Variants in DLG2 observed in about 807,000 individuals in gnomAD.
The protein encoded by DLG2 is discs large MAGUK scaffold protein 2.
DLG2 carries 45 observed loss-of-function variants against 132.5 expected under a neutral mutation model. That is an observed-to-expected ratio of 0.34 (90% CI 0.27 to 0.44). DLG2 has a LOEUF of 0.44. Among genes scored for constraint, DLG2 ranks in the 20% least tolerant of loss-of-function variants. The pLI is 1.00. For missense variants in DLG2, 1,045 were observed against 1,196.9 expected (o/e 0.87, Z 1.87); for synonymous variants, 424 against 419.6 (o/e 1.01, Z -0.13).
chr11:84,712,957 C>T (rs941579899), intron 6 of DLG2, among the ~76,000 whole-genome samples: 4 of 152,054 alleles, frequency 2.6e-5, no homozygotes, highest in Non-Finnish European at 5.9e-5. Flanking sequence ...AAGTCATATT[C>T]TATCCATGTG....
chr11:83,774,493 C>T (rs2094511687), intron 18 of DLG2, among the ~76,000 whole-genome samples: 1 of 152,104 alleles, frequency 6.6e-6, no homozygotes, highest in African/African-American at 2.4e-5. Flanking sequence ...AAGTAATTTT[C>T]CAAGGCTACA....
At chr11:84,516,298 G>GA (rs1379901443) in intron 7 of DLG2, among the ~76,000 whole-genome samples, 1 of 150,870 alleles carries the variant, frequency 6.6e-6, no homozygotes, top group Non-Finnish European at 1.5e-5. Flanking sequence ...GTTGTTTTTT[G>GA]AAAAAAATAT....
intron 16 of DLG2, among the ~76,000 whole-genome samples, chr11:83,855,846 A>AT (rs1595503055): frequency 6.6e-6 from 1 of 151,900 alleles, no homozygotes; most frequent in African/African-American, 2.4e-5. Flanking sequence ...AAAAAAAAAA[A>AT]TTTTCAGGGA....
At chr11:85,584,291 C>T (rs1228456737) in intron 3 of DLG2, among the ~76,000 whole-genome samples, 2 of 151,736 alleles carry the variant, frequency 1.3e-5, no homozygotes, top group Non-Finnish European at 2.9e-5. Context: ...ATCCAGGTTA[C>T]TGTGAATGCC....
intron 8 of DLG2, among the ~76,000 whole-genome samples, chr11:84,194,344 G>A (rs1201841175): frequency 6.6e-6 from 1 of 152,138 alleles, no homozygotes; most frequent in South Asian, 2.1e-4. Context: ...TGTGCCCGGA[G>A]TTTCTTTCTT....
chr11:84,662,501 G>A (rs752877007), intron 6 of DLG2, among the ~76,000 whole-genome samples: 6 of 151,528 alleles, frequency 4.0e-5, no homozygotes, highest in South Asian at 4.2e-4. Flanking sequence ...AAGCAGTCAT[G>A]GCCCAGACAT....
intron 5 of DLG2, among the ~76,000 whole-genome samples, chr11:85,127,236 C>T (rs1238010467): frequency 7.2e-6 from 1 of 138,526 alleles, no homozygotes; most frequent in Non-Finnish European, 1.6e-5. Flanking sequence ...CTCTCTCTCT[C>T]CCCCCGCCCC....
chr11:84,490,880 T>TGG lies in DLG2; in HGVS notation c.519+43688_519+43689dup, dbSNP rs1457288336. Among the ~76,000 whole-genome samples the TGG allele has an allele frequency of 3.5e-5, 5 of 141,760 alleles. No individual in the cohort carries two copies. In the East Asian group the frequency reaches 8.1e-4, roughly 23 times the overall value. 93.0% of individuals were successfully genotyped at this position (141,760 alleles called of 152,430 possible). A position where few individuals can be genotyped will look rare whatever the true frequency, so the allele number is the denominator to read the frequency against. Reference sequence around the variant, plus strand: ...AAAATCCCATTCTAACAGATCTGAATGGTTGCGTGTGTGTGTGTGTGTGTG... The same window carrying TGG: ...AAAATCCCATTCTAACAGATCTGAATGGGGTTGCGTGTGTGTGTGTGTGTGTG... On this transcript the variant is annotated intron_variant, in intron 7 of 27. Coordinates refer to ENST00000376104, the MANE Select transcript of DLG2 (RefSeq NM_001142699.3).
intron 3 of DLG2, among the ~76,000 whole-genome samples, chr11:85,520,571 A>G (rs1365775711): frequency 6.6e-6 from 1 of 151,690 alleles, no homozygotes; most frequent in Non-Finnish European, 1.5e-5. Flanking sequence ...CTTAGTAAAA[A>G]GAACAAAACT....
chr11:85,501,451 G>A (rs1384047970), intron 3 of DLG2, among the ~76,000 whole-genome samples: 1 of 152,166 alleles, frequency 6.6e-6, no homozygotes, highest in Admixed American at 6.5e-5. Context: ...CTTCTGCACA[G>A]CAAAAGAAAC....
intron 18 of DLG2, among the ~76,000 whole-genome samples, chr11:83,705,944 C>T (rs1244835654): frequency 2.0e-5 from 3 of 152,244 alleles, no homozygotes; most frequent in South Asian, 2.1e-4. Context: ...CTAGGCCGGG[C>T]GTGGTGGCTC....
chr11:85,129,803 A>G (rs189489928), intron 5 of DLG2, among the ~76,000 whole-genome samples: 653 of 152,318 alleles, frequency 4.3e-3, no homozygotes, highest in South Asian at 7.0e-3. Flanking sequence ...CTTGGAACCA[A>G]CCCAAATGAC....
intron 9 of DLG2, among the ~76,000 whole-genome samples, chr11:84,120,425 G>A (rs942786444): frequency 1.3e-5 from 2 of 152,126 alleles, no homozygotes; most frequent in Non-Finnish European, 1.5e-5. Context: ...GGGATACACC[G>A]GTAGTAATTT....
At chr11:85,076,093 A>C (rs1375972874) in intron 6 of DLG2, among the ~76,000 whole-genome samples, 1 of 151,982 alleles carries the variant, frequency 6.6e-6, no homozygotes, top group Non-Finnish European at 1.5e-5. Context: ...TCATCAAAGT[A>C]ATAATGAATT....
At chr11:84,289,436 T>C (rs2097955445) in intron 7 of DLG2, among the ~76,000 whole-genome samples, 1 of 152,088 alleles carries the variant, frequency 6.6e-6, no homozygotes, top group Non-Finnish European at 1.5e-5. Context: ...CAAAAAATAA[T>C]TGGAATTTAA....
At chr11:85,479,068 C>T (rs945664408) in intron 3 of DLG2, among the ~76,000 whole-genome samples, 5 of 152,170 alleles carry the variant, frequency 3.3e-5, no homozygotes, top group Non-Finnish European at 7.3e-5. Context: ...CAAAAACCAT[C>T]ATTTAAAAGA....
At chr11:83,713,566 A>T (rs1566660969) in intron 18 of DLG2, among the ~76,000 whole-genome samples, 1 of 152,222 alleles carries the variant, frequency 6.6e-6, no homozygotes, top group Non-Finnish European at 1.5e-5. Flanking sequence ...TATAGGGCAG[A>T]GAGTTGGGCT....
intron 18 of DLG2, chr11:83,643,784 A>T (rs1473082857): frequency 6.6e-6 from 1 of 152,098 alleles, no homozygotes; most frequent in African/African-American, 2.4e-5. Context: ...CAATTTATCC[A>T]AGGCCACGCA....
chr11:84,515,312 C>CAT (rs1565161751), intron 7 of DLG2, among the ~76,000 whole-genome samples: 3 of 150,776 alleles, frequency 2.0e-5, no homozygotes, highest in South Asian at 4.2e-4. Context: ...CACACACACA[C>CAT]ACACCCCAAA....
Sources: allele counts gnomAD v4.1 joint callset (sites outside exome capture counted in the v4.1 genomes callset), GRCh38; gene constraint gnomAD v4.1.1; transcripts MANE v1.5; gene names NCBI Gene and HGNC (gene_info 2026-07-23, HGNC 2026-07-21).